Variants in LIX1 observed in about 807,000 individuals in gnomAD.
LIX1 encodes the protein limb and CNS expressed 1.
LIX1 carries 24 observed loss-of-function variants against 33.4 expected under a neutral mutation model. The observed-to-expected ratio is 0.72, with a 90% confidence interval of 0.52 to 1.01. The LOEUF is 1.01. LIX1 is among the 50% of genes least tolerant of loss of function. LIX1 has a pLI of 0.00. For synonymous variants in LIX1, 124 were observed against 124.0 expected, an observed-to-expected ratio of 1.00 and a Z score of 0.00; for missense variants, 311 against 339.2, an observed-to-expected ratio of 0.92 and a Z score of 0.65.
intron 2 of LIX1, among the ~76,000 whole-genome samples, chr5:97,118,500 T>TA (rs146423758): frequency 0.2 from 30,018 of 152,088 alleles, 3,782 homozygotes; most frequent in Non-Finnish European, 0.29. Flanking sequence ...TGCTCTATTG[T>TA]AAAAAAATGG....
intron 4 of LIX1, among the ~76,000 whole-genome samples, chr5:97,098,300 C>T (rs929284529): frequency 2.0e-5 from 3 of 152,194 alleles, no homozygotes; most frequent in African/African-American, 7.2e-5. Flanking sequence ...GCACAGCATT[C>T]AGACTATCAG....
At position 97,120,635 on chromosome 5, in the gene LIX1, T is replaced by A. The variant is rs149999998; in HGVS notation, c.246+3831A>T. Among the ~76,000 whole-genome samples, 9 of 152,194 alleles carry A rather than the reference T, an allele frequency of 5.9e-5. 1 individual carries two copies. The East Asian group carries it at 1.7e-3, about 29-fold the overall frequency. On this transcript the variant is annotated intron_variant, in intron 2 of 5. Transcript: ENST00000274382. ...TCCTAAGTAGATCTCAATGTGAGTA[T>A]GGGAATGGTTAGAAGAGGTCAAGAC...
chr5:97,106,568 C>T (rs1747041325), intron 3 of LIX1, among the ~76,000 whole-genome samples: 1 of 152,128 alleles, frequency 6.6e-6, no homozygotes, highest in African/African-American at 2.4e-5. Flanking sequence ...TTGGTAATGC[C>T]AGGTTCCTGC....
chr5:97,110,522 G>A (rs1467372891), intron 2 of LIX1, among the ~76,000 whole-genome samples: 1 of 152,114 alleles, frequency 6.6e-6, no homozygotes, highest in Non-Finnish European at 1.5e-5. Flanking sequence ...ACCTACGCCT[G>A]CAACCTACGC....
Position 97,139,742 on chromosome 5 carries a change from A to C in LIX1, c.82+2753T>G, listed in dbSNP as rs146988778. ...AAATTTCAAATTGGGAGTCCATCTT[A>C]TTTAAAACCTCTTTCCATTATTTTT... is the stretch of plus-strand genomic sequence containing the variant. On this transcript the variant is annotated intron_variant, in intron 1 of 5. Transcript: ENST00000274382. Among the ~76,000 whole-genome samples, 3 of 152,368 alleles carry C rather than the reference A, an allele frequency of 2.0e-5. No individual in the cohort carries two copies. The East Asian group carries it at 5.8e-4, about 29-fold the overall frequency.
chr5:97,118,786 A>G (rs2112782738), intron 2 of LIX1, among the ~76,000 whole-genome samples: 1 of 152,256 alleles, frequency 6.6e-6, no homozygotes. Context: ...ATCCTGTAGT[A>G]ACTTATGAAG....
At chr5:97,127,204 C>T (rs1238535717) in intron 1 of LIX1, among the ~76,000 whole-genome samples, 1 of 152,134 alleles carries the variant, frequency 6.6e-6, no homozygotes. Context: ...CTTTGTCAGT[C>T]AGTTGTTGAC....
At chr5:97,132,768 C>G (rs1457002077) in intron 1 of LIX1, among the ~76,000 whole-genome samples, 4 of 152,162 alleles carry the variant, frequency 2.6e-5, no homozygotes, top group African/African-American at 9.7e-5. Context: ...CCCAGATCCC[C>G]AGAGAGAATG....
intron 5 of LIX1, 138 bp downstream of exon 5, chr5:97,096,672 G>A: frequency 3.1e-6 from 2 of 640,714 alleles, no homozygotes; most frequent in South Asian, 1.9e-5. Context: ...ATATTTCTTT[G>A]TGTGTCCTCT....
At chr5:97,100,935 T>C (rs1746662435) in intron 4 of LIX1, among the ~76,000 whole-genome samples, 2 of 150,580 alleles carry the variant, frequency 1.3e-5, no homozygotes, top group African/African-American at 4.9e-5. Context: ...TTTTTTTAAA[T>C]AAAGGAAATT....
chr5:97,097,024 C>A, intron 4 of LIX1, 137 bp from the exon 5 acceptor site: 1 of 697,256 alleles, frequency 1.4e-6, no homozygotes, highest in Non-Finnish European at 2.5e-6. Context: ...TGGGACTTTC[C>A]CAAGCCCAGG....
rs1221567856 is a variant in LIX1 at position 97,113,752 on chromosome 5, G to A, written c.247-6252C>T. ...TAAAGAGGACATATAATTTGCCTAAGGTCACATAGCACTCTCTAAATCAGT... is the reference window on the plus strand; with the variant it reads ...TAAAGAGGACATATAATTTGCCTAAAGTCACATAGCACTCTCTAAATCAGT... On this transcript the variant is annotated intron_variant, in intron 2 of 5. Coordinates refer to ENST00000274382, the MANE Select transcript of LIX1 (RefSeq NM_153234.5). 2.6e-5 allele frequency among the ~76,000 whole-genome samples: 4 copies of A among 152,154 alleles called. No individual in the cohort carries two copies. The East Asian group carries it at 5.8e-4, about 22-fold the overall frequency.
At chr5:97,130,008 T>C (rs1748019750) in intron 1 of LIX1, among the ~76,000 whole-genome samples, 1 of 152,250 alleles carries the variant, frequency 6.6e-6, no homozygotes, top group African/African-American at 2.4e-5. Flanking sequence ...CAACTTGGAA[T>C]TGTCATACGG....
intron 5 of LIX1, 118 bp from the exon 6 acceptor site, chr5:97,095,153 A>C: frequency 1.0e-6 from 1 of 1,000,488 alleles, no homozygotes; most frequent in Non-Finnish European, 1.5e-6. Context: ...CATCTCTCTC[A>C]TGTTCAAAAA....
At chr5:97,139,288 T>TCTTA (rs1303220571) in intron 1 of LIX1, among the ~76,000 whole-genome samples, 1 of 152,240 alleles carries the variant, frequency 6.6e-6, no homozygotes, top group Admixed American at 6.5e-5. Flanking sequence ...GGACTTGATG[T>TCTTA]CTTAGCCTTA....
intron 4 of LIX1, chr5:97,103,225 C>G: frequency 2.9e-6 from 1 of 350,802 alleles, no homozygotes; most frequent in Admixed American, 4.1e-5. Context: ...CTCTTTTATC[C>G]TACAATAGGG....
chr5:97,140,374 A>T (rs1237249148), intron 1 of LIX1, among the ~76,000 whole-genome samples: 3 of 152,192 alleles, frequency 2.0e-5, no homozygotes, highest in Non-Finnish European at 2.9e-5. Context: ...TCAAGTGCTC[A>T]GCTCTTTCCT....
intron 3 of LIX1, among the ~76,000 whole-genome samples, chr5:97,106,431 A>C (rs973238724): frequency 3.0e-4 from 45 of 152,212 alleles, no homozygotes; most frequent in African/African-American, 1.1e-3. Flanking sequence ...ATCTAGTCTG[A>C]TAGTGTTTCC....
At chr5:97,111,473 G>T (rs1054311046) in intron 2 of LIX1, among the ~76,000 whole-genome samples, 5 of 151,982 alleles carry the variant, frequency 3.3e-5, no homozygotes, top group Non-Finnish European at 5.9e-5. Context: ...CTGAGCGTAG[G>T]GTATGTTTAT....
Sources: allele counts gnomAD v4.1 joint callset (sites outside exome capture counted in the v4.1 genomes callset), GRCh38; gene constraint gnomAD v4.1.1; transcripts MANE v1.5; gene names NCBI Gene and HGNC (gene_info 2026-07-23, HGNC 2026-07-21).